The following STAU2 variants were observed in gnomAD, a reference collection of about 807,000 sequenced individuals.
The protein encoded by STAU2 is staufen double-stranded RNA binding protein 2.
STAU2 carries 20 observed loss-of-function variants against 65.9 expected under a neutral mutation model. That is an observed-to-expected ratio of 0.30 (90% CI 0.21 to 0.44). STAU2 has a LOEUF of 0.44. STAU2 is among the 20% of genes least tolerant of loss of function. The pLI is 1.00. For missense variants in STAU2, 558 were observed against 683.9 expected (o/e 0.82, Z 2.05); for synonymous variants, 232 against 233.9 (o/e 0.99, Z 0.07).
At chr8:73,692,642 C>T (rs1252288609) in intron 4 of STAU2, among the ~76,000 whole-genome samples, 2 of 152,104 alleles carry the variant, frequency 1.3e-5, no homozygotes, top group African/African-American at 2.4e-5. Flanking sequence ...TGAGAGCCCC[C>T]GGTTTATAGC....
chr8:73,474,952 G>A (rs1291366800), intron 13 of STAU2, among the ~76,000 whole-genome samples: 1 of 152,204 alleles, frequency 6.6e-6, no homozygotes, highest in Non-Finnish European at 1.5e-5. Context: ...AGAATAACCT[G>A]TGACTATAAA....
intron 13 of STAU2, among the ~76,000 whole-genome samples, chr8:73,504,551 C>T (rs1474658633): frequency 1.3e-5 from 2 of 151,848 alleles, no homozygotes; most frequent in Non-Finnish European, 2.9e-5. Context: ...GGGGACGCAC[C>T]GCTTAGGAAG....
chr8:73,737,952 G>A (rs551436944), intron 3 of STAU2, among the ~76,000 whole-genome samples: 1 of 150,550 alleles, frequency 6.6e-6, no homozygotes, highest in African/African-American at 2.4e-5. Flanking sequence ...CACTAAAAAT[G>A]CTTTGAGTCT....
chr8:73,482,353 C>A (rs1278402482), intron 13 of STAU2, among the ~76,000 whole-genome samples: 1 of 146,062 alleles, frequency 6.8e-6, no homozygotes, highest in Admixed American at 6.9e-5. Flanking sequence ...TAAAAAAAAA[C>A]TGTCTTTTTT....
chr8:73,670,508 C>T (rs746508921), intron 6 of STAU2: 1 of 152,012 alleles, frequency 6.6e-6, no homozygotes, highest in Non-Finnish European at 1.5e-5. Flanking sequence ...TATATAGATG[C>T]CTCTCCCTTC....
chr8:73,715,616 A>C (rs1821201711), intron 3 of STAU2, among the ~76,000 whole-genome samples: 1 of 152,186 alleles, frequency 6.6e-6, no homozygotes, highest in Non-Finnish European at 1.5e-5. Flanking sequence ...AATTAGTACA[A>C]AATTTCTGAT....
At chr8:73,483,993 G>A (rs932823942) in intron 13 of STAU2, among the ~76,000 whole-genome samples, 21 of 152,094 alleles carry the variant, frequency 1.4e-4, no homozygotes, top group Non-Finnish European at 1.9e-4. Flanking sequence ...GCATTTTCAC[G>A]AGGCAAAGAA....
intron 13 of STAU2, among the ~76,000 whole-genome samples, chr8:73,434,661 T>C (rs977314041): frequency 6.6e-6 from 1 of 151,962 alleles, no homozygotes; most frequent in Non-Finnish European, 1.5e-5. Flanking sequence ...TTGACCATAG[T>C]GGTGTTTAAT....
chr8:73,696,602 GACT>G (rs1819706749), intron 4 of STAU2, among the ~76,000 whole-genome samples: 3 of 152,076 alleles, frequency 2.0e-5, no homozygotes, highest in Non-Finnish European at 4.4e-5. Flanking sequence ...ACATGATGAG[GACT>G]ACATCAAAGT....
chr8:73,489,077 A>C (rs149302948), intron 13 of STAU2, among the ~76,000 whole-genome samples: 1 of 152,104 alleles, frequency 6.6e-6, no homozygotes, highest in East Asian at 1.9e-4. Context: ...CTTTCAGCAG[A>C]AGGAATTTTT....
intron 5 of STAU2, among the ~76,000 whole-genome samples, chr8:73,687,337 T>TTTATATTTATATTTATATATATAAA (rs1563506804): frequency 9.9e-6 from 1 of 100,904 alleles, no homozygotes; most frequent in Non-Finnish European, 1.8e-5. Flanking sequence ...ATAAATATAA[T>TTTATATTTATATTTATATATATAAA]TTATATTTAT....
intron 6 of STAU2, among the ~76,000 whole-genome samples, chr8:73,644,505 C>G (rs1352042564): frequency 6.7e-6 from 1 of 150,112 alleles, no homozygotes; most frequent in East Asian, 1.9e-4. Flanking sequence ...AAAGACGAAA[C>G]GTTTCAAATA....
At chr8:73,500,959 T>G (rs1288055554) in intron 13 of STAU2, among the ~76,000 whole-genome samples, 2 of 151,914 alleles carry the variant, frequency 1.3e-5, no homozygotes, top group Non-Finnish European at 2.9e-5. Flanking sequence ...ACAACTTTAC[T>G]CATTTCAAAA....
chr8:73,654,660 AAG>A, intron 6 of STAU2, among the ~76,000 whole-genome samples: 5 of 141,562 alleles, frequency 3.5e-5, no homozygotes, highest in East Asian at 2.0e-4. Context: ...AAAAAAAAAA[AAG>A]AACTCTTTTA....
At chr8:73,697,980 T>A (rs1232325355) in intron 4 of STAU2, among the ~76,000 whole-genome samples, 2 of 152,078 alleles carry the variant, frequency 1.3e-5, no homozygotes, top group Admixed American at 6.5e-5. Flanking sequence ...CTTGGGAGGC[T>A]GAGGCATGAG....
intron 3 of STAU2, among the ~76,000 whole-genome samples, chr8:73,719,276 G>T (rs939844486): frequency 2.0e-5 from 3 of 151,970 alleles, no homozygotes; most frequent in Non-Finnish European, 1.5e-5. Flanking sequence ...ATAGTGGCGG[G>T]TGTCTGTAGT....
At chr8:73,558,340 G>A (rs1165222664) in intron 12 of STAU2, among the ~76,000 whole-genome samples, 1 of 152,138 alleles carries the variant, frequency 6.6e-6, no homozygotes, top group Non-Finnish European at 1.5e-5. Context: ...TGATTTTAAA[G>A]GTCTAAAGTT....
intron 13 of STAU2, among the ~76,000 whole-genome samples, chr8:73,516,055 TC>T (rs1822708264): frequency 6.6e-6 from 1 of 151,202 alleles, no homozygotes; most frequent in Non-Finnish European, 1.5e-5. Context: ...CACCTCAGCC[TC>T]CTGAGTAGCT....
At chr8:73,537,573 G>C (rs1045529840) in intron 13 of STAU2, among the ~76,000 whole-genome samples, 2 of 152,168 alleles carry the variant, frequency 1.3e-5, no homozygotes, top group South Asian at 4.1e-4. Flanking sequence ...CGTTTTCCAA[G>C]TGCTGAAAGA....
Sources: gnomAD v4.1 joint callset for allele counts (sites outside exome capture counted in the v4.1 genomes callset) on GRCh38, gnomAD v4.1.1 for gene constraint, MANE v1.5 for transcripts, NCBI Gene and HGNC (gene_info 2026-07-23, HGNC 2026-07-21) for gene names.